The following PCDHGC3 variants were observed in gnomAD, a reference collection of about 807,000 sequenced individuals.
PCDHGC3 encodes protocadherin gamma-C3.
In PCDHGC3, 26 loss-of-function variants were observed where a neutral mutation model predicts 59.2. The observed-to-expected ratio is 0.44, with a 90% confidence interval of 0.32 to 0.61. The LOEUF is 0.61. PCDHGC3 is among the 20% of genes least tolerant of loss of function. The pLI, the probability that PCDHGC3 is intolerant of heterozygous loss-of-function variation, is 0.05. For missense variants in PCDHGC3, 1,080 were observed against 1,221.8 expected (o/e 0.88, Z 1.73); for synonymous variants, 487 against 519.7 (o/e 0.94, Z 0.86).
chr5:141,481,691 C>G (rs929210528), intron 1 of PCDHGC3, among the ~76,000 whole-genome samples: 3 of 152,080 alleles, frequency 2.0e-5, no homozygotes, highest in African/African-American at 4.8e-5. Context: ...TGGTGGCTCA[C>G]GCCTGTAATC....
In PCDHGC3 at chr5:141,485,669, T is replaced by G. The variant is rs754363407; in HGVS notation, c.2430+7123T>G. ...TCAGGATGCAGATGTGGGGAGCAATTCGATTAGCAGCTATAGGCTGAGCTC... is the reference window on the plus strand; with the variant it reads ...TCAGGATGCAGATGTGGGGAGCAATGCGATTAGCAGCTATAGGCTGAGCTC... On this transcript the variant is annotated intron_variant, in intron 1 of 3. Transcript: ENST00000308177. The surrounding 1 kb of genome is among the most constrained non-coding windows in gnomAD (Gnocchi z 5.7). 1.9e-6 allele frequency: 3 copies of G among 1,612,788 alleles called. 1 individual carries two copies. Among genetic ancestry groups the G allele is most frequent in the Admixed American group, 1.7e-5 (1 of 59,980 alleles).
rs779686795 is a variant in PCDHGC3, at chr5:141,476,566, G to A, written c.450G>A (p.Pro150=). The change falls in exon 1 of 4, where the codon CCG becomes CCA. Residue 150 remains proline (P), a synonymous_variant. Coordinates refer to ENST00000308177, the MANE Select transcript of PCDHGC3 (RefSeq NM_002588.4). The surrounding 1 kb of genome is among the most constrained non-coding windows in gnomAD (Gnocchi z 7.6). ...TGGAGATTAGCGAGGCCGTGGCTCC[G>A]GGGACGCGCTTTCCGCTCGAGAGCG... The part of the protein sequence containing the change: ...MKLEISEAVA[P]GTRFPLESAH... The A allele has an allele frequency of 1.2e-6, 2 of 1,614,062 alleles. No homozygotes were observed. Among genetic ancestry groups the A allele is most frequent in the East Asian group, 2.2e-5 (1 of 44,872 alleles).
chr5:141,491,542 G>T lies in PCDHGC3; in HGVS notation c.2431-3265G>T, dbSNP rs112433306. The T allele has an allele frequency of 6.2e-7, 1 of 1,613,898 alleles. No homozygotes were observed. Among genetic ancestry groups the T allele is most frequent in the Admixed American group, 1.7e-5 (1 of 60,006 alleles). On this transcript the variant is annotated intron_variant, in intron 1 of 3. Transcript: ENST00000308177. This position sits in a 1 kb window ranked among gnomAD's most constrained non-coding sequence, Gnocchi z 6.9. ...CATGGAGGTGACGCTGCGGCCCACA[G>T]ACTCGCAGAGCCACTGCTACAGGAC...
chr5:141,488,158 G>A (rs534297140), intron 1 of PCDHGC3, among the ~76,000 whole-genome samples: 4 of 152,328 alleles, frequency 2.6e-5, no homozygotes, highest in South Asian at 2.1e-4. Context: ...AGAGAGGCAC[G>A]CATCAGAGTG....
In PCDHGC3 at chr5:141,512,470, T is replaced by G. The variant is rs2099884244; in HGVS notation, c.*1297T>G. On this transcript the variant is annotated 3_prime_UTR_variant, in exon 4 of 4. Transcript: ENST00000308177. ...TTCACCTTGCCAGGTGCCGTTTCTC[T>G]TCCGTGAAGGCCACTGCCCAGGTCC... 6.5e-6 allele frequency: 1 copy of G among 152,892 alleles called. No individual in the cohort carries two copies. The highest frequency in any genetic ancestry group is 2.1e-4 in the South Asian group (1 of 4,834). 9.5% of individuals were successfully genotyped at this position (152,892 alleles called of 1,614,324 possible).
chr5:141,499,563 A>C (rs979866448), intron 2 of PCDHGC3, among the ~76,000 whole-genome samples: 3 of 152,242 alleles, frequency 2.0e-5, no homozygotes, highest in Non-Finnish European at 2.9e-5. Context: ...ACCACTATCC[A>C]GCTTCAACTA....
In PCDHGC3 at chr5:141,477,967, C is replaced by A; in HGVS notation, c.1851C>A (p.Ser617Arg). The A allele has an allele frequency of 6.2e-7, 1 of 1,614,150 alleles. No individual in the cohort carries two copies. Among genetic ancestry groups the A allele is most frequent in the Non-Finnish European group, 8.5e-7 (1 of 1,180,032 alleles). The change falls in exon 1 of 4, where the codon AGC becomes AGA. Residue 617 changes from serine (S) to arginine (R), a missense_variant. Transcript: ENST00000308177. The surrounding 1 kb of genome is among the most constrained non-coding windows in gnomAD (Gnocchi z 4.9). ...SYSLLGSPNQ[S>R]LFAIGLHTGQ... ...GTCTCTTGGGATCCCCTAACCAGAG[C>A]CTTTTTGCCATAGGGCTGCACACTG...
Position 141,510,968 on chromosome 5 carries a change from C to A in PCDHGC3, c.2600C>A (p.Thr867Asn). 1 of 1,614,150 alleles carries A rather than the reference C, an allele frequency of 6.2e-7. No individual in the cohort carries two copies. The highest frequency in any genetic ancestry group is 8.5e-7 in the Non-Finnish European group (1 of 1,180,014). The change falls in exon 4 of 4, where the codon ACC becomes AAC. Residue 867 changes from threonine (T) to asparagine (N), a missense_variant. Transcript: ENST00000308177. ...SASEAADGSS[T>N]LGGGAGTMGL... ...GCAGAAGCTGCTGATGGGAGCTCCA[C>A]CCTGGGAGGGGGTGCCGGCACCATG...
At chr5:141,497,969 C>T (rs1595499086) in intron 2 of PCDHGC3, among the ~76,000 whole-genome samples, 1 of 152,160 alleles carries the variant, frequency 6.6e-6, no homozygotes. Flanking sequence ...GCAGTGTTCT[C>T]GATGTGGGAG....
At position 141,491,121 on chromosome 5, in the gene PCDHGC3, G is replaced by T. The variant is rs1176877834; in HGVS notation, c.2431-3686G>T. On this transcript the variant is annotated intron_variant, in intron 1 of 3. Transcript: ENST00000308177. The surrounding 1 kb of genome is among the most constrained non-coding windows in gnomAD (Gnocchi z 6.9). ...TCCTCGTGTCTACACACACTGGTGA[G>T]GTGCGCACAGCCCGGGCCTTACTGG... 5 of 1,614,200 alleles carry T rather than the reference G, an allele frequency of 3.1e-6. No individual in the cohort carries two copies. In the South Asian group the frequency reaches 5.5e-5, roughly 18 times the overall value.
Position 141,491,162 on chromosome 5 carries a change from C to T in PCDHGC3, c.2431-3645C>T. 6.2e-7 allele frequency: 1 copy of T among 1,614,112 alleles called. No homozygotes were observed. Among genetic ancestry groups the T allele is most frequent in the Non-Finnish European group, 8.5e-7 (1 of 1,179,952 alleles). On this transcript the variant is annotated intron_variant, in intron 1 of 3. Coordinates refer to ENST00000308177, the MANE Select transcript of PCDHGC3 (RefSeq NM_002588.4). This position sits in a 1 kb window ranked among gnomAD's most constrained non-coding sequence, Gnocchi z 6.9. ...GCCTTACTGGAGGATGACTCTGACA[C>T]CCAGCAGGTGGTGGTCCTGGTGAGG...
intron 2 of PCDHGC3, among the ~76,000 whole-genome samples, chr5:141,503,950 C>T (rs1216385793): frequency 3.3e-5 from 5 of 152,180 alleles, no homozygotes; most frequent in Non-Finnish European, 7.3e-5. Flanking sequence ...CAAGGCCTAC[C>T]CTACAGCCTT....
chr5:141,482,530 C>CAAAAAAAAAAAAAAAAAA (rs3074545), intron 1 of PCDHGC3, among the ~76,000 whole-genome samples: 1 of 76,562 alleles, frequency 1.3e-5, no homozygotes, highest in Non-Finnish European at 2.6e-5. Flanking sequence ...GACAGACATG[C>CAAAAAAAAAAAAAAAAAA]AAAAAAAAAA....
chr5:141,500,877 A>ATTT (rs369345007), intron 2 of PCDHGC3, among the ~76,000 whole-genome samples: 1 of 122,288 alleles, frequency 8.2e-6, no homozygotes, highest in Admixed American at 8.0e-5. Context: ...TTCATTTACA[A>ATTT]TTTTTTTTTT....
chr5:141,491,747 G>C lies in PCDHGC3; in HGVS notation c.2431-3060G>C. 6.3e-7 allele frequency: 1 copy of C among 1,591,872 alleles called. No homozygotes were observed. The highest frequency in any genetic ancestry group is 8.5e-7 in the Non-Finnish European group (1 of 1,170,328). ...CGGGCGACCCCTGGGGGCGGCACTG[G>C]AGAAGCCGCCCGTCCTCATAAGGGA... On this transcript the variant is annotated intron_variant, in intron 1 of 3. Transcript: ENST00000308177. This position sits in a 1 kb window ranked among gnomAD's most constrained non-coding sequence, Gnocchi z 6.9.
At chr5:141,506,226 G>A (rs1248069119) in intron 3 of PCDHGC3, among the ~76,000 whole-genome samples, 3 of 152,152 alleles carry the variant, frequency 2.0e-5, no homozygotes, top group Non-Finnish European at 1.5e-5. Flanking sequence ...TGAGGCAGGA[G>A]GATCATGAGG....
In PCDHGC3 at chr5:141,505,419, C is replaced by G. The variant is rs1303924776; in HGVS notation, c.2516C>G (p.Thr839Ser). 6 of 1,614,140 alleles carry G rather than the reference C, an allele frequency of 3.7e-6. No individual in the cohort carries two copies. The highest frequency in any genetic ancestry group is 4.2e-6 in the Non-Finnish European group (5 of 1,180,062). Residue 839 changes from threonine to serine, a missense_variant, in exon 3 of 4, where the codon ACC becomes AGC. Thr to Ser is a moderately conservative substitution (Grantham distance 58). Coordinates refer to ENST00000308177, the MANE Select transcript of PCDHGC3 (RefSeq NM_002588.4). ...SGSQNGDDTGTWPNNQFDTEM... is the reference protein window; with the variant it reads ...SGSQNGDDTGSWPNNQFDTEM... ...TCCCAAAATGGCGATGACACCGGCACCTGGCCCAACAACCAGTTTGACACA... is the reference window on the plus strand; with the variant it reads ...TCCCAAAATGGCGATGACACCGGCAGCTGGCCCAACAACCAGTTTGACACA...
At chr5:141,481,913 C>CAAA (rs34114744) in intron 1 of PCDHGC3, among the ~76,000 whole-genome samples, 3 of 90,796 alleles carry the variant, frequency 3.3e-5, no homozygotes, top group Non-Finnish European at 4.4e-5. Flanking sequence ...AACTCCATCT[C>CAAA]AAAAAAAAAA....
rs558951022 is a variant in PCDHGC3 at position 141,501,554 on chromosome 5, C to T, written c.2490-3839C>T. On this transcript the variant is annotated intron_variant, in intron 2 of 3. Coordinates refer to ENST00000308177, the MANE Select transcript of PCDHGC3 (RefSeq NM_002588.4). ...CGTTGTTGTGCATAAGATCATAGGC[C>T]CTGGAATCATATTAGGCTGGCTTTC... is the stretch of plus-strand genomic sequence containing the variant. Among the ~76,000 whole-genome samples the T allele has an allele frequency of 3.3e-5, 5 of 152,044 alleles. No homozygotes were observed. In the East Asian group the frequency reaches 7.8e-4, roughly 24 times the overall value.
Sources: gnomAD v4.1 joint callset for allele counts (sites outside exome capture counted in the v4.1 genomes callset) on GRCh38, gnomAD v4.1.1 for gene constraint, Gnocchi (gnomAD v3.1) non-coding constraint, MANE v1.5 for transcripts, NCBI Gene and HGNC (gene_info 2026-07-23, HGNC 2026-07-21) for gene names.